Variants in RBFOX1 observed in about 807,000 individuals in gnomAD.
RBFOX1 encodes the protein RNA binding fox-1 homolog 1, also known as RNA binding protein fox-1 homolog 1.
A neutral mutation model predicts 57.7 loss-of-function variants in RBFOX1; 8 were observed. The ratio of observed to expected loss-of-function variants is 0.14; its 90% confidence interval spans 0.08 to 0.25. The LOEUF is 0.25. Among genes scored for constraint, RBFOX1 ranks in the 10% least tolerant of loss-of-function variants. The probability of loss-of-function intolerance (pLI) is 1.00; values close to 1 mark genes in which losing one functional copy is unlikely to be tolerated. For synonymous variants in RBFOX1, 326 were observed against 222.4 expected (o/e 1.47, Z -4.15); for missense variants, 611 against 548.5 (o/e 1.11, Z -1.14).
At chr16:7,347,573 T>C (rs1411445078) in intron 4 of RBFOX1, among the ~76,000 whole-genome samples, 1 of 152,108 alleles carries the variant, frequency 6.6e-6, no homozygotes, top group Admixed American at 6.5e-5. Context: ...AGTGGACACC[T>C]GGAATTATCG....
chr16:5,599,010 G>C (rs1404134792), exon 3 of RBFOX1: 1 of 1,441,344 alleles, frequency 6.9e-7, no homozygotes, highest in South Asian at 1.2e-5. Context: ...AACTACTTTT[G>C]CATCCTTTTC....
chr16:7,121,289 A>G (rs2067124164), intron 4 of RBFOX1, among the ~76,000 whole-genome samples: 1 of 152,124 alleles, frequency 6.6e-6, no homozygotes, highest in African/African-American at 2.4e-5. Context: ...AAAGAATTAT[A>G]GAGCATATCG....
chr16:6,750,185 AAAAG>A (rs1459557414), intron 3 of RBFOX1, among the ~76,000 whole-genome samples: 3 of 152,198 alleles, frequency 2.0e-5, no homozygotes, highest in African/African-American at 7.2e-5. Flanking sequence ...AGGAGAAGGA[AAAAG>A]AAATAGCAAA....
At chr16:7,197,986 T>TTTTCTTTC (rs1208024501) in intron 4 of RBFOX1, among the ~76,000 whole-genome samples, 3,707 of 120,012 alleles carry the variant, frequency 0.031, 461 homozygotes, top group Middle Eastern at 0.038. Context: ...TACCTTGTGG[T>TTTTCTTTC]TTTCTTTCTT....
chr16:6,971,211 AAG>A (rs1347693744), intron 3 of RBFOX1, among the ~76,000 whole-genome samples: 1 of 152,140 alleles, frequency 6.6e-6, no homozygotes, highest in Non-Finnish European at 1.5e-5. Context: ...AAAATATAGA[AAG>A]AGGTGTGCTA....
chr16:7,696,809 C>T (rs1030605753), intron 14 of RBFOX1, among the ~76,000 whole-genome samples: 19 of 152,228 alleles, frequency 1.2e-4, no homozygotes, highest in African/African-American at 4.6e-4. Context: ...CAGAGAAGGC[C>T]TGTCTGAGGG....
chr16:7,045,988 C>T (rs904416921), intron 3 of RBFOX1, among the ~76,000 whole-genome samples: 1 of 152,116 alleles, frequency 6.6e-6, no homozygotes, highest in African/African-American at 2.4e-5. Context: ...TAACGAAAAT[C>T]AATGCTATCA....
At chr16:7,295,529 A>G (rs1942696615) in intron 4 of RBFOX1, among the ~76,000 whole-genome samples, 1 of 152,214 alleles carries the variant, frequency 6.6e-6, no homozygotes, top group South Asian at 2.1e-4. Context: ...GAAAAGTATC[A>G]TTATTCTCCT....
chr16:6,508,319 A>C (rs1217771364), intron 2 of RBFOX1, among the ~76,000 whole-genome samples: 1 of 152,130 alleles, frequency 6.6e-6, no homozygotes. Context: ...CCTATGACAC[A>C]AGTTACCTAT....
In RBFOX1 at chr16:7,335,012, G is replaced by C. The variant is rs1276607764; in HGVS notation, c.28-183135G>C. ...TCACTGCTGTGGAATGCACTGGAAAGCTAACACACAGAGAGAAACTGGCTT... is the reference window on the plus strand; with the variant it reads ...TCACTGCTGTGGAATGCACTGGAAACCTAACACACAGAGAGAAACTGGCTT... On this transcript the variant is annotated intron_variant, in intron 4 of 15. Coordinates refer to ENST00000550418, the MANE Select transcript of RBFOX1 (RefSeq NM_018723.4). Among the ~76,000 whole-genome samples, 3 of 152,194 alleles carry C rather than the reference G, an allele frequency of 2.0e-5. No homozygotes were observed. In the East Asian group the frequency reaches 5.8e-4, roughly 29 times the overall value.
chr16:6,862,568 T>C (rs1458657657), intron 3 of RBFOX1, among the ~76,000 whole-genome samples: 1 of 152,122 alleles, frequency 6.6e-6, no homozygotes. Context: ...TGAAGAGATT[T>C]CCAGGAAGAA....
At chr16:6,821,357 T>C (rs1294130604) in intron 3 of RBFOX1, among the ~76,000 whole-genome samples, 1 of 152,240 alleles carries the variant, frequency 6.6e-6, no homozygotes, top group East Asian at 1.9e-4. Context: ...AAAACTAGTC[T>C]AGTCTTTGAT....
intron 4 of RBFOX1, among the ~76,000 whole-genome samples, chr16:7,381,653 T>G (rs1330158344): frequency 6.6e-6 from 1 of 152,236 alleles, no homozygotes; most frequent in African/African-American, 2.4e-5. Flanking sequence ...TCATATTTTA[T>G]TTTATTTGGT....
intron 2 of RBFOX1, among the ~76,000 whole-genome samples, chr16:6,354,958 A>G (rs1356302199): frequency 1.3e-5 from 2 of 152,124 alleles, no homozygotes; most frequent in Non-Finnish European, 2.9e-5. Flanking sequence ...TTTGTCCTAA[A>G]AAGCCATAGG....
At chr16:7,066,696 A>G (rs1489248752) in intron 4 of RBFOX1, among the ~76,000 whole-genome samples, 4 of 152,190 alleles carry the variant, frequency 2.6e-5, no homozygotes, top group African/African-American at 7.2e-5. Context: ...AGGTCCTTCC[A>G]CAGTCAGGAC....
intron 3 of RBFOX1, among the ~76,000 whole-genome samples, chr16:6,887,230 A>G (rs533159213): frequency 9.2e-5 from 14 of 152,316 alleles, no homozygotes; most frequent in Admixed American, 3.3e-4. Context: ...GAAGGAGACT[A>G]TAGAGTAGTG....
intron 3 of RBFOX1, among the ~76,000 whole-genome samples, chr16:7,051,404 C>T (rs1017161671): frequency 6.6e-6 from 1 of 152,210 alleles, no homozygotes; most frequent in African/African-American, 2.4e-5. Context: ...TAAAACATGT[C>T]AGTAGGGCAA....
chr16:6,142,186 CTGCAAAAAAAAAAAA>C (rs1175637307), intron 1 of RBFOX1, among the ~76,000 whole-genome samples: 4 of 55,410 alleles, frequency 7.2e-5, no homozygotes, highest in Non-Finnish European at 1.4e-4. Context: ...GTTGCTGCTG[CTGCAAAAAAAAAAAA>C]AAAAAAAAAA....
At chr16:6,793,116 C>A (rs557955984) in intron 3 of RBFOX1, among the ~76,000 whole-genome samples, 2 of 151,732 alleles carry the variant, frequency 1.3e-5, no homozygotes, top group South Asian at 2.1e-4. Flanking sequence ...GTTCATGGTA[C>A]GCCTGCTGTC....
Sources: gnomAD v4.1 joint callset for allele counts (sites outside exome capture counted in the v4.1 genomes callset) on GRCh38, gnomAD v4.1.1 for gene constraint, MANE v1.5 for transcripts, NCBI Gene and HGNC (gene_info 2026-07-23, HGNC 2026-07-21) for gene names.